The following POSTN variants were observed in gnomAD, a reference collection of about 807,000 sequenced individuals.
The protein encoded by POSTN is periostin, also known as osteoblast specific factor 2 (fasciclin I-like).
In POSTN, 71 loss-of-function variants were observed where a neutral mutation model predicts 104.5. The observed-to-expected ratio is 0.68, with a 90% confidence interval of 0.56 to 0.83. The LOEUF (loss-of-function observed/expected upper bound fraction) is 0.83. POSTN is among the 40% of genes least tolerant of loss of function. POSTN has a pLI of 0.00. For missense variants in POSTN, 949 were observed against 1,006.8 expected (o/e 0.94, Z 0.78); for synonymous variants, 355 against 340.7 (o/e 1.04, Z -0.46).
At position 37,569,388 on chromosome 13, in the gene POSTN, G is replaced by A; in HGVS notation, c.2348-5C>T. On this transcript the variant is annotated splice_region_variant and splice_polypyrimidine_tract_variant and intron_variant, in intron 20 of 22. Coordinates refer to ENST00000379747, the MANE Select transcript of POSTN (RefSeq NM_006475.3). ...ATTTGGTGACCTTGGTGACCTCTGAGAGGATACATGTTTATAGCAGAAATT... is the reference window on the plus strand; with the variant it reads ...ATTTGGTGACCTTGGTGACCTCTGAAAGGATACATGTTTATAGCAGAAATT... 6.2e-7 allele frequency: 1 copy of A among 1,603,426 alleles called. No homozygotes were observed. The highest frequency in any genetic ancestry group is 2.2e-5 in the East Asian group (1 of 44,738).
Position 37,584,720 on chromosome 13 carries a change from A to G in POSTN, c.1104T>C (p.Asp368=). 3 of 1,611,442 alleles carry G rather than the reference A, an allele frequency of 1.9e-6. No individual in the cohort carries two copies. The East Asian group carries it at 6.7e-5, about 36-fold the overall frequency. The change falls in exon 8 of 23, where the codon GAT becomes GAC. Residue 368 remains aspartate, a synonymous_variant. Coordinates refer to ENST00000379747, the MANE Select transcript of POSTN (RefSeq NM_006475.3). ...IHLIDQVLIP[D]SAKQVIELAG... ...AAAACAAAAAAAGTTGCTTACCAGA[A>G]TCAGGAATTAGGACCTGATCAATCA...
At chr13:37,587,041 A>G in intron 5 of POSTN, 113 bp from the exon 6 acceptor site, 3 of 862,274 alleles carry the variant, frequency 3.5e-6, no homozygotes, top group Non-Finnish European at 5.4e-6. Context: ...ACATACAGGA[A>G]ACTACATTGT....
chr13:37,568,832 A>C (rs572477980), intron 21 of POSTN: 1 of 152,156 alleles, frequency 6.6e-6, no homozygotes, highest in African/African-American at 2.4e-5. Flanking sequence ...ATTCATTCCC[A>C]AGAATATAGT....
At chr13:37,575,610 TA>T (rs1192216433) in intron 16 of POSTN, among the ~76,000 whole-genome samples, 3 of 152,164 alleles carry the variant, frequency 2.0e-5, no homozygotes, top group Non-Finnish European at 2.9e-5. Flanking sequence ...AAGATGGTTC[TA>T]TTAGATAACG....
At chr13:37,567,234 T>TTAAAAAAAAA (rs1354848373) in intron 21 of POSTN, among the ~76,000 whole-genome samples, 1 of 13,230 alleles carries the variant, frequency 7.6e-5, no homozygotes, top group African/African-American at 5.6e-4. Context: ...AGACTCCGTC[T>TTAAAAAAAAA]CAAAAAAAAA....
intron 12 of POSTN, 142 bp downstream of exon 12, chr13:37,579,719 G>A: frequency 3.2e-6 from 3 of 941,912 alleles, no homozygotes; most frequent in Non-Finnish European, 4.6e-6. Flanking sequence ...CATCCCAAGT[G>A]GACGAAATAA....
At chr13:37,569,570 A>T in intron 20 of POSTN, 174 bp downstream of exon 20, 1 of 798,914 alleles carries the variant, frequency 1.3e-6, no homozygotes, top group East Asian at 2.5e-5. Flanking sequence ...AAAATACTGT[A>T]TAAAAAATAT....
At chr13:37,586,559 T>C (rs1950751487) in intron 6 of POSTN, among the ~76,000 whole-genome samples, 1 of 152,182 alleles carries the variant, frequency 6.6e-6, no homozygotes, top group African/African-American at 2.4e-5. Context: ...ATGAGCTAAA[T>C]ACACGCCAGT....
chr13:37,575,954 A>G lies in POSTN; in HGVS notation c.2009-1302T>C, dbSNP rs1593326181. Among the ~76,000 whole-genome samples the G allele has an allele frequency of 2.0e-5, 3 of 152,256 alleles. No individual in the cohort carries two copies. In the East Asian group the frequency reaches 5.8e-4, roughly 29 times the overall value. The stretch of plus-strand genomic sequence containing the variant: ...CTCTCTATTGCTGCTATCAAAATGG[A>G]CTAATTCCTTTTAGCTTACATTTTT... On this transcript the variant is annotated intron_variant, in intron 16 of 22. Coordinates refer to ENST00000379747, the MANE Select transcript of POSTN (RefSeq NM_006475.3).
At chr13:37,586,704 C>T (rs1950755516) in intron 6 of POSTN, 78 bp downstream of exon 6, 27 of 1,412,458 alleles carry the variant, frequency 1.9e-5, no homozygotes, top group Non-Finnish European at 2.5e-5. Context: ...GATTTAATAG[C>T]ATTTTTATTG....
intron 21 of POSTN, among the ~76,000 whole-genome samples, chr13:37,565,755 G>A (rs1054861129): frequency 7.9e-5 from 12 of 152,076 alleles, no homozygotes; most frequent in African/African-American, 2.7e-4. Flanking sequence ...AGAAGTCTGT[G>A]TAAAACAACC....
At chr13:37,581,368 A>G (rs762030603) in intron 10 of POSTN, among the ~76,000 whole-genome samples, 20 of 152,162 alleles carry the variant, frequency 1.3e-4, no homozygotes, top group Non-Finnish European at 1.5e-4. Flanking sequence ...TACTGAACGT[A>G]TCATTAGTTG....
intron 10 of POSTN, among the ~76,000 whole-genome samples, chr13:37,581,848 G>A (rs1950598630): frequency 6.6e-6 from 1 of 152,116 alleles, no homozygotes; most frequent in African/African-American, 2.4e-5. Flanking sequence ...TACAGTATAA[G>A]ATCACCTTGC....
intron 2 of POSTN, among the ~76,000 whole-genome samples, chr13:37,594,475 T>C (rs1353046545): frequency 6.6e-6 from 1 of 152,092 alleles, no homozygotes; most frequent in Non-Finnish European, 1.5e-5. Context: ...AGAACATTTA[T>C]GCTACCCAAA....
intron 16 of POSTN, 136 bp from the exon 17 acceptor site, chr13:37,574,788 A>T (rs1029860490): frequency 1.7e-6 from 2 of 1,155,488 alleles, no homozygotes; most frequent in African/African-American, 3.2e-5. Flanking sequence ...AGGCAGTCAG[A>T]TACAGGAAAT....
At chr13:37,586,381 A>G in intron 6 of POSTN, 101 bp from the exon 7 acceptor site, 1 of 1,217,156 alleles carries the variant, frequency 8.2e-7, no homozygotes, top group Non-Finnish European at 1.1e-6. Flanking sequence ...TGATTCCTAC[A>G]CTATAGAGGT....
At position 37,598,660 on chromosome 13, in the gene POSTN, T is replaced by G. The variant is rs748064311; in HGVS notation, c.67A>C (p.Asn23His). The G allele has an allele frequency of 6.2e-7, 1 of 1,613,592 alleles. No individual in the cohort carries two copies. The highest frequency in any genetic ancestry group is 8.5e-7 in the Non-Finnish European group (1 of 1,179,576). ...LLIVNPINAN[N>H]HYDKILAHSR... is the part of the protein sequence containing the mutation. ...TGAGCCAAGATCTTGTCATAATGAT[T>G]GTTGGCGTTTATAGGGTTAACAATA... The change falls in exon 1 of 23, where the codon AAT becomes CAT. Residue 23 changes from asparagine to histidine, a missense_variant. Coordinates refer to ENST00000379747, the MANE Select transcript of POSTN (RefSeq NM_006475.3).
At chr13:37,569,272 G>T in intron 21 of POSTN, 28 bp downstream of exon 21, 1 of 1,536,604 alleles carries the variant, frequency 6.5e-7, no homozygotes, top group South Asian at 1.1e-5. Flanking sequence ...AACCTGTTAA[G>T]GGGGTTAGTT....
chr13:37,564,283 T>C (rs1356278642), intron 22 of POSTN, among the ~76,000 whole-genome samples: 1 of 144,660 alleles, frequency 6.9e-6, no homozygotes, highest in Non-Finnish European at 1.5e-5. Context: ...GCCTAGCAGT[T>C]TACATGAGTA....
Sources: allele counts gnomAD v4.1 joint callset (sites outside exome capture counted in the v4.1 genomes callset), GRCh38; gene constraint gnomAD v4.1.1; transcripts MANE v1.5; gene names NCBI Gene and HGNC (gene_info 2026-07-23, HGNC 2026-07-21).